The following CDKL5 variants were observed in gnomAD, a reference collection of about 807,000 sequenced individuals.
CDKL5 encodes the protein cyclin dependent kinase like 5.
In CDKL5, 8 loss-of-function variants were observed where a neutral mutation model predicts 61.7. The observed-to-expected ratio is 0.13, with a 90% CI of 0.08 to 0.23. The LOEUF is 0.23. Ranked by LOEUF, CDKL5 falls within the 10% of genes least tolerant of loss-of-function variation. CDKL5 has a pLI of 1.00. For missense variants in CDKL5, 440 were observed against 734.5 expected (o/e 0.60, Z 4.63); for synonymous variants, 275 against 272.3 (o/e 1.01, Z -0.10).
chrX:18,457,607 T>G (rs1932172698), intron 1 of CDKL5: 1 of 111,086 alleles, frequency 9.0e-6, no homozygotes, highest in Admixed American at 9.7e-5. Context: ...ATGTTTAATG[T>G]TTTTTTGTTT....
Position 18,584,244 on chromosome X carries a change from G to C in CDKL5, c.464-19G>C. 1 of 1,099,301 alleles carries C rather than the reference G, an allele frequency of 9.1e-7. No individual in the cohort carries two copies. 90.6% of individuals were successfully genotyped at this position (1,099,301 alleles called of 1,213,427 possible). On this transcript the variant is annotated intron_variant, in intron 7 of 17. Transcript: ENST00000623535. The stretch of plus-strand genomic sequence containing the variant: ...ATTTCTTTTTCAAAGTTACAACTTT[G>C]GACTTTGCTATCTTTCAGGTTTTGC...
intron 1 of CDKL5, among the ~76,000 whole-genome samples, chrX:18,458,865 T>C (rs1436859329): frequency 1.8e-5 from 2 of 112,676 alleles, no homozygotes; most frequent in Non-Finnish European, 3.7e-5. Flanking sequence ...GAGTGTTCTG[T>C]TAGGTAGCAC....
chrX:18,634,524 TGTAA>T lies in CDKL5; in HGVS notation c.*5774_*5777del, dbSNP rs1450252152. 1 of 754,210 alleles carries T rather than the reference TGTAA, an allele frequency of 1.3e-6. No individual in the cohort carries two copies. The highest frequency in any genetic ancestry group is 1.6e-6 in the Non-Finnish European group (1 of 639,333). 62.2% of individuals were successfully genotyped at this position (754,210 alleles called of 1,213,427 possible). ...AAGATGCTTATCGTCCCGGAGAATG[TGTAA>T]GTAAGTTCTCCAGCACGGCTTAGGT... On this transcript the variant is annotated 3_prime_UTR_variant, in exon 18 of 18. Transcript: ENST00000623535.
chrX:18,607,533 G>A (rs1926403904), intron 12 of CDKL5, among the ~76,000 whole-genome samples: 1 of 112,259 alleles, frequency 8.9e-6, no homozygotes, highest in African/African-American at 3.2e-5. Context: ...GGTCATAAAC[G>A]AATTATAAAC....
At chrX:18,560,830 AT>A (rs1924779346) in intron 3 of CDKL5, among the ~76,000 whole-genome samples, 2 of 111,185 alleles carry the variant, frequency 1.8e-5, no homozygotes, top group Admixed American at 9.6e-5. Context: ...ATAATTTAAA[AT>A]TTTTATTTCA....
intron 1 of CDKL5, among the ~76,000 whole-genome samples, chrX:18,456,323 C>A (rs1236735115): frequency 9.0e-6 from 1 of 111,515 alleles, no homozygotes; most frequent in Non-Finnish European, 1.9e-5. Flanking sequence ...CAGGCGTGAG[C>A]CACCGCGCCC....
At chrX:18,645,402 G>C (rs1246232942) in intron 19 of CDKL5, among the ~76,000 whole-genome samples, 3 of 110,522 alleles carry the variant, frequency 2.7e-5, no homozygotes, top group African/African-American at 9.9e-5. Flanking sequence ...CAGCATCTCA[G>C]ATGAAACACG....
chrX:18,509,505 A>T (rs1056540397), intron 2 of CDKL5, among the ~76,000 whole-genome samples: 2 of 111,428 alleles, frequency 1.8e-5, no homozygotes, highest in Admixed American at 1.9e-4. Context: ...CCCCCTTCTC[A>T]TAGATGAATG....
rs780507995 is a variant in CDKL5 at position 18,438,815 on chromosome X, G to A, written c.-163+13120G>A. ...AAAAAAAAAAAAAAAAAAAAGACAA[G>A]GATCTAAGGATGGGCATATAAAGCT... is the stretch of plus-strand genomic sequence containing the variant. On this transcript the variant is annotated intron_variant, in intron 1 of 17. Coordinates refer to ENST00000623535, the MANE Select transcript of CDKL5 (RefSeq NM_001323289.2). Among the ~76,000 whole-genome samples, 12 of 107,003 alleles carry A rather than the reference G, an allele frequency of 1.1e-4. No homozygotes were observed. In the Admixed American group the frequency reaches 1.2e-3, roughly 11 times the overall value. The allele number at this position is 107,003 out of a possible 115,157, so 92.9% of individuals were successfully genotyped here. A position where few individuals can be genotyped will look rare whatever the true frequency, so the allele number is the denominator to read the frequency against.
At chrX:18,571,486 G>A (rs1215363579) in intron 4 of CDKL5, among the ~76,000 whole-genome samples, 1 of 111,473 alleles carries the variant, frequency 9.0e-6, no homozygotes, top group African/African-American at 3.3e-5. Flanking sequence ...ATTTCAACTA[G>A]ATGGCAGTGA....
rs138462103 is a variant in CDKL5 at position 18,498,114 on chromosome X, A to G, written c.-162-8821A>G. ...CAAAGTGCCGCCTCAGCCTTCCAAA[A>G]TGCCGGGCTGCCATATGTCTTTTCT... On this transcript the variant is annotated intron_variant, in intron 1 of 17. Coordinates refer to ENST00000623535, the MANE Select transcript of CDKL5 (RefSeq NM_001323289.2). 5.6e-3 allele frequency among the ~76,000 whole-genome samples: 620 copies of G among 111,100 alleles called. 2 individuals are homozygous for G. The highest frequency in any genetic ancestry group is 0.046 in the Middle Eastern group (10 of 217).
At chrX:18,585,402 C>CA (rs897083034) in intron 8 of CDKL5, among the ~76,000 whole-genome samples, 1 of 110,407 alleles carries the variant, frequency 9.1e-6, no homozygotes, top group Admixed American at 9.7e-5. Flanking sequence ...CACACACACA[C>CA]AAAAAAACCC....
At chrX:18,548,953 A>C (rs1924292697) in intron 3 of CDKL5, among the ~76,000 whole-genome samples, 1 of 112,226 alleles carries the variant, frequency 8.9e-6, no homozygotes, top group South Asian at 3.7e-4. Context: ...TTATTTTATA[A>C]GAAAATGTAA....
Position 18,507,204 on chromosome X carries a change from A to T in CDKL5, c.64+44A>T, listed in dbSNP as rs148366254. The T allele has an allele frequency of 7.6e-4, 672 of 889,221 alleles. 2 individuals carry two copies. In the African/African-American group the frequency reaches 0.011, roughly 15 times the overall value. 73.3% of individuals were successfully genotyped at this position (889,221 alleles called of 1,213,427 possible). A position where few individuals can be genotyped will look rare whatever the true frequency, so the allele number is the denominator to read the frequency against. On this transcript the variant is annotated intron_variant, in intron 2 of 17. Coordinates refer to ENST00000623535, the MANE Select transcript of CDKL5 (RefSeq NM_001323289.2). ...GTTCCTTGAGTTTTGAGCAATGAAC[A>T]GTTAGTTATTCCTACCACCAAAAAG...
At chrX:18,516,629 T>C (rs1923032872) in intron 3 of CDKL5, among the ~76,000 whole-genome samples, 1 of 109,796 alleles carries the variant, frequency 9.1e-6, no homozygotes, top group African/African-American at 3.3e-5. Context: ...CAAGCAATCC[T>C]CCCATCTTGG....
chrX:18,496,496 G>C (rs1283947797), intron 1 of CDKL5, among the ~76,000 whole-genome samples: 1 of 111,642 alleles, frequency 9.0e-6, no homozygotes, highest in African/African-American at 3.3e-5. Flanking sequence ...TCTCTTTTCA[G>C]ACCTTAAAGG....
chrX:18,456,883 A>G (rs1252828286), intron 1 of CDKL5, among the ~76,000 whole-genome samples: 1 of 110,518 alleles, frequency 9.0e-6, no homozygotes, highest in Non-Finnish European at 1.9e-5. Flanking sequence ...GTAATGCGTT[A>G]TTGTTTTAAC....
At chrX:18,447,130 T>G (rs1490452406) in intron 1 of CDKL5, among the ~76,000 whole-genome samples, 1 of 110,494 alleles carries the variant, frequency 9.1e-6, no homozygotes, top group African/African-American at 3.3e-5. Context: ...AATTGGGGGG[T>G]GGTGGTGATG....
At chrX:18,430,283 A>C (rs1035284451) in intron 1 of CDKL5, among the ~76,000 whole-genome samples, 4 of 112,451 alleles carry the variant, frequency 3.6e-5, no homozygotes, top group Non-Finnish European at 7.5e-5. Flanking sequence ...CATTTGCTAC[A>C]CTAATAAAGG....
Sources: allele counts gnomAD v4.1 joint callset (sites outside exome capture counted in the v4.1 genomes callset), GRCh38; gene constraint gnomAD v4.1.1; transcripts MANE v1.5; gene names NCBI Gene and HGNC (gene_info 2026-07-23, HGNC 2026-07-21).